PRKCI: variants seen among roughly 807,000 people sequenced by gnomAD.
PRKCI encodes the protein protein kinase C iota, also known as protein kinase C iota type.
PRKCI carries 43 observed loss-of-function variants against 84.0 expected under a neutral mutation model. That is an observed-to-expected ratio of 0.51 (90% CI 0.40 to 0.66). PRKCI has a LOEUF of 0.66. Among genes scored for constraint, PRKCI ranks in the 30% least tolerant of loss-of-function variants. The pLI, the probability that PRKCI is intolerant of heterozygous loss-of-function variation, is 0.00. For missense variants in PRKCI, 459 were observed against 745.6 expected (o/e 0.62, Z 4.48); for synonymous variants, 216 against 234.4 (o/e 0.92, Z 0.72).
chr3:170,285,401 T>C (rs189383729), intron 12 of PRKCI, among the ~76,000 whole-genome samples: 3 of 152,176 alleles, frequency 2.0e-5, no homozygotes, highest in Non-Finnish European at 4.4e-5. Flanking sequence ...TTTTATTCTT[T>C]TATAACAGTG....
At chr3:170,239,843 T>G (rs1187459498) in intron 2 of PRKCI, among the ~76,000 whole-genome samples, 1 of 151,728 alleles carries the variant, frequency 6.6e-6, no homozygotes, top group Non-Finnish European at 1.5e-5. Context: ...TACTAAATAA[T>G]ACTATGCTCA....
intron 1 of PRKCI, among the ~76,000 whole-genome samples, chr3:170,227,953 A>T (rs1732677830): frequency 6.6e-6 from 1 of 152,188 alleles, no homozygotes; most frequent in Non-Finnish European, 1.5e-5. Flanking sequence ...AAGGGGTAGT[A>T]TCAGTAGAAT....
chr3:170,259,704 G>A (rs1733675303), intron 2 of PRKCI, among the ~76,000 whole-genome samples: 5 of 152,062 alleles, frequency 3.3e-5, no homozygotes, highest in Admixed American at 2.0e-4. Flanking sequence ...TACTCGGGAA[G>A]CTGAGGCAGG....
chr3:170,228,979 T>A (rs1015862470), intron 1 of PRKCI, among the ~76,000 whole-genome samples: 3 of 152,130 alleles, frequency 2.0e-5, no homozygotes, highest in African/African-American at 7.2e-5. Context: ...GGTATCTGGC[T>A]TTTTGTTTCT....
intron 2 of PRKCI, among the ~76,000 whole-genome samples, chr3:170,258,317 T>TC (rs1553840447): frequency 1.2e-5 from 1 of 85,368 alleles, no homozygotes; most frequent in African/African-American, 6.4e-5. Flanking sequence ...AATGACTTCT[T>TC]TTTTTTTTGA....
intron 4 of PRKCI, among the ~76,000 whole-genome samples, chr3:170,263,646 C>T (rs1225476727): frequency 6.6e-6 from 1 of 151,758 alleles, no homozygotes; most frequent in African/African-American, 2.4e-5. Context: ...TCCAAAAACA[C>T]ACAAAAAAAT....
chr3:170,274,395 A>T (rs1347048808), intron 7 of PRKCI, among the ~76,000 whole-genome samples: 1 of 152,224 alleles, frequency 6.6e-6, no homozygotes, highest in Non-Finnish European at 1.5e-5. Flanking sequence ...TGGCCTCCCA[A>T]AGTGCTGGGA....
intron 12 of PRKCI, among the ~76,000 whole-genome samples, chr3:170,291,250 C>T (rs2108864596): frequency 1.3e-5 from 2 of 152,138 alleles, no homozygotes; most frequent in Middle Eastern, 6.8e-3. Context: ...TGAAATATGC[C>T]TTATTCTACT....
intron 11 of PRKCI, among the ~76,000 whole-genome samples, chr3:170,283,607 A>G (rs1156525336): frequency 6.6e-6 from 1 of 152,198 alleles, no homozygotes; most frequent in Non-Finnish European, 1.5e-5. Flanking sequence ...TTGAATTGTG[A>G]ACATAGCCAA....
chr3:170,296,043 A>G, intron 15 of PRKCI, 53 bp downstream of exon 15: 1 of 1,059,302 alleles, frequency 9.4e-7, no homozygotes, highest in South Asian at 2.2e-5. Context: ...TATATATATC[A>G]AACTGGTCAG....
intron 2 of PRKCI, among the ~76,000 whole-genome samples, chr3:170,252,866 C>A (rs967059645): frequency 3.3e-5 from 5 of 152,138 alleles, no homozygotes; most frequent in African/African-American, 9.7e-5. Flanking sequence ...TGTACCCACT[C>A]TCCACCACTA....
At position 170,297,497 on chromosome 3, in the gene PRKCI, G is replaced by C. The variant is rs112100029; in HGVS notation, c.1587+104G>C. On this transcript the variant is annotated intron_variant, in intron 16 of 17. Coordinates refer to ENST00000295797, the MANE Select transcript of PRKCI (RefSeq NM_002740.6). ...TTAGACAGAGTCTTGCTCTGTCACC[G>C]AGGCTGGAGTACAATGGCACGATCT... The C allele has an allele frequency of 2.6e-4, 244 of 924,764 alleles. No homozygotes were observed. In the African/African-American group the frequency reaches 3.6e-3, roughly 13 times the overall value. The allele number at this position is 924,764 out of a possible 1,614,324, so 57.3% of individuals were successfully genotyped here.
At position 170,293,525 on chromosome 3, in the gene PRKCI, T is replaced by C; in HGVS notation, c.1417+17T>C. The stretch of plus-strand genomic sequence containing the variant: ...TCTTCCAAGGTAATTTGGAGTATTT[T>C]ACAGAGATTCTCTGAGAAAAACCTA... On this transcript the variant is annotated intron_variant, in intron 14 of 17. Transcript: ENST00000295797. 1 of 1,610,550 alleles carries C rather than the reference T, an allele frequency of 6.2e-7. No individual in the cohort carries two copies. The highest frequency in any genetic ancestry group is 8.5e-7 in the Non-Finnish European group (1 of 1,178,290).
chr3:170,259,142 C>T (rs1398933141), intron 2 of PRKCI, among the ~76,000 whole-genome samples: 1 of 151,372 alleles, frequency 6.6e-6, no homozygotes, highest in Non-Finnish European at 1.5e-5. Flanking sequence ...CAAACTCCAT[C>T]TCAAAAAAAA....
intron 4 of PRKCI, 102 bp downstream of exon 4, chr3:170,263,531 G>C: frequency 1.0e-6 from 1 of 975,726 alleles, no homozygotes; most frequent in Non-Finnish European, 1.6e-6. Context: ...GCAGTGGACA[G>C]TGGCTAATGC....
chr3:170,252,878 C>G (rs73034361), intron 2 of PRKCI, among the ~76,000 whole-genome samples: 2,593 of 152,262 alleles, frequency 0.017, 85 homozygotes, highest in African/African-American at 0.059. Context: ...CCACCACTAT[C>G]GTTCCCAGCT....
intron 7 of PRKCI, among the ~76,000 whole-genome samples, chr3:170,274,208 T>A (rs1313642577): frequency 1.3e-5 from 2 of 152,142 alleles, no homozygotes; most frequent in Non-Finnish European, 2.9e-5. Flanking sequence ...CTCGGCTCAC[T>A]GCATCCTCCA....
intron 8 of PRKCI, among the ~76,000 whole-genome samples, chr3:170,276,840 C>T (rs1734126685): frequency 6.6e-6 from 1 of 152,086 alleles, no homozygotes; most frequent in African/African-American, 2.4e-5. Flanking sequence ...CACCAATAAA[C>T]AGACAACCTA....
At chr3:170,226,164 C>T (rs981949659) in intron 1 of PRKCI, among the ~76,000 whole-genome samples, 2 of 152,166 alleles carry the variant, frequency 1.3e-5, no homozygotes, top group Non-Finnish European at 2.9e-5. Flanking sequence ...CCACCCACCT[C>T]GGTCTCCCAA....
Sources: gnomAD v4.1 joint callset for allele counts (sites outside exome capture counted in the v4.1 genomes callset) on GRCh38, gnomAD v4.1.1 for gene constraint, MANE v1.5 for transcripts, NCBI Gene and HGNC (gene_info 2026-07-23, HGNC 2026-07-21) for gene names.